The following ASCC3 variants were observed in gnomAD, a reference collection of about 807,000 sequenced individuals.
The protein encoded by ASCC3 is activating signal cointegrator 1 complex subunit 3.
In ASCC3, 158 loss-of-function variants were observed where a neutral mutation model predicts 256.3. The observed-to-expected ratio is 0.62, with a 90% confidence interval of 0.54 to 0.70. The LOEUF is 0.70. Ranked by LOEUF, ASCC3 falls within the 30% of genes least tolerant of loss-of-function variation. The pLI is 0.00. For synonymous variants in ASCC3, 948 were observed against 883.4 expected, an observed-to-expected ratio of 1.07 and a Z score of -1.30; for missense variants, 2,259 against 2,626.0, an observed-to-expected ratio of 0.86 and a Z score of 3.05.
chr6:100,763,215 G>A (rs1781494014), intron 10 of ASCC3, among the ~76,000 whole-genome samples: 1 of 152,158 alleles, frequency 6.6e-6, no homozygotes, highest in Non-Finnish European at 1.5e-5. Flanking sequence ...TGTGAGAAGG[G>A]TAGAAGAACA....
intron 13 of ASCC3, among the ~76,000 whole-genome samples, chr6:100,682,417 T>C (rs1192661875): frequency 1.3e-5 from 2 of 152,152 alleles, no homozygotes; most frequent in African/African-American, 2.4e-5. Flanking sequence ...AGTTAAAAAA[T>C]AGTGATGAAA....
At chr6:100,874,250 G>A (rs906225683) in intron 1 of ASCC3, among the ~76,000 whole-genome samples, 2 of 151,916 alleles carry the variant, frequency 1.3e-5, no homozygotes, top group Non-Finnish European at 2.9e-5. Context: ...GGCGGATCAC[G>A]AGGTCAAGAG....
chr6:100,582,349 T>C lies in ASCC3; in HGVS notation c.5550+7285A>G, dbSNP rs956392183. Among the ~76,000 whole-genome samples the C allele has an allele frequency of 2.6e-4, 40 of 151,992 alleles. 1 individual carries two copies. The highest frequency in any genetic ancestry group is 4.8e-5 in the African/African-American group (2 of 41,254). ...AGGTATTTTATTCTCTTTGAAGCAATTGTGAATGGGACTTCACTCATGATT... is the reference window on the plus strand; with the variant it reads ...AGGTATTTTATTCTCTTTGAAGCAACTGTGAATGGGACTTCACTCATGATT... On this transcript the variant is annotated intron_variant, in intron 36 of 41. Transcript: ENST00000369162.
chr6:100,509,301 C>T lies in ASCC3; in HGVS notation c.*85G>A, dbSNP rs904527867. On this transcript the variant is annotated 3_prime_UTR_variant, in exon 42 of 42. Transcript: ENST00000369162. ...AGGTTAGAAGTTGATTCTTTCAAGGCAAACATCAAGTAATTCGATTTGTCT... is the reference window on the plus strand; with the variant it reads ...AGGTTAGAAGTTGATTCTTTCAAGGTAAACATCAAGTAATTCGATTTGTCT... 3.2e-6 allele frequency: 5 copies of T among 1,561,854 alleles called. No individual in the cohort carries two copies. The African/African-American group carries it at 6.8e-5, about 21-fold the overall frequency.
intron 4 of ASCC3, among the ~76,000 whole-genome samples, chr6:100,812,485 G>A (rs1186305899): frequency 6.6e-6 from 1 of 151,328 alleles, no homozygotes; most frequent in Non-Finnish European, 1.5e-5. Context: ...AGGAAACTGA[G>A]ATAGCACTTT....
At chr6:100,859,871 T>C (rs1773138941) in intron 3 of ASCC3, among the ~76,000 whole-genome samples, 1 of 152,062 alleles carries the variant, frequency 6.6e-6, no homozygotes, top group Admixed American at 6.6e-5. Flanking sequence ...GGCTGAGTCT[T>C]GATTTGCATC....
rs1200931971 is a variant in ASCC3 at position 100,679,671 on chromosome 6, T to G, written c.2233A>C (p.Ile745Leu). 1.9e-6 allele frequency: 3 copies of G among 1,613,730 alleles called. No individual in the cohort carries two copies. In the Admixed American group the frequency reaches 5.0e-5, roughly 27 times the overall value. ...CCTTGGGTAGGAAAAAAGAAGGGAA[T>G]ATGGCCACAATTTTTTGCTCTTTCT... ...LIERAKNCGH[I>L]PFFFPTQGHD... The change falls in exon 14 of 42, where the codon ATT becomes CTT. Residue 745 changes from isoleucine to leucine, a missense_variant. Physicochemically the swap from Ile to Leu is conservative, Grantham distance 5 (BLOSUM62 2). Coordinates refer to ENST00000369162, the MANE Select transcript of ASCC3 (RefSeq NM_006828.4).
At chr6:100,622,759 G>A (rs988238793) in intron 30 of ASCC3, among the ~76,000 whole-genome samples, 14 of 151,694 alleles carry the variant, frequency 9.2e-5, no homozygotes, top group Non-Finnish European at 1.6e-4. Context: ...CAGAAACCAC[G>A]AGAGTATATT....
At chr6:100,700,745 G>A (rs1778317056) in intron 13 of ASCC3, among the ~76,000 whole-genome samples, 1 of 152,226 alleles carries the variant, frequency 6.6e-6, no homozygotes, top group Non-Finnish European at 1.5e-5. Context: ...CTTGTATGGG[G>A]CCTGAAGCCC....
intron 3 of ASCC3, chr6:100,858,405 G>A (rs1773063383): frequency 1.0e-5 from 3 of 285,732 alleles, no homozygotes; most frequent in Non-Finnish European, 1.6e-5. Context: ...CCGTACCTCA[G>A]GGAAGCTTCT....
At chr6:100,784,735 A>C (rs1167975196) in intron 8 of ASCC3, among the ~76,000 whole-genome samples, 1 of 151,698 alleles carries the variant, frequency 6.6e-6, no homozygotes, top group East Asian at 1.9e-4. Context: ...TTATATTATA[A>C]ATGTAGATGT....
chr6:100,639,896 C>A (rs1775030685), intron 24 of ASCC3, among the ~76,000 whole-genome samples: 2 of 152,074 alleles, frequency 1.3e-5, no homozygotes, highest in African/African-American at 4.8e-5. Context: ...GGATGGATCA[C>A]CTGAGGTCAG....
At chr6:100,722,489 C>T (rs192365839) in intron 11 of ASCC3, among the ~76,000 whole-genome samples, 1 of 151,868 alleles carries the variant, frequency 6.6e-6, no homozygotes, top group East Asian at 1.9e-4. Flanking sequence ...CACTCTTCAA[C>T]TTGTTGCATA....
intron 10 of ASCC3, among the ~76,000 whole-genome samples, chr6:100,747,170 A>G (rs181569033): frequency 4.0e-4 from 61 of 151,984 alleles, no homozygotes; most frequent in African/African-American, 1.2e-3. Flanking sequence ...GCTCAACATC[A>G]TTAGTCATTG....
At chr6:100,684,765 C>T (rs1269084820) in intron 13 of ASCC3, among the ~76,000 whole-genome samples, 2 of 148,328 alleles carry the variant, frequency 1.3e-5, no homozygotes, top group East Asian at 2.0e-4. Flanking sequence ...ATAAAAAAAT[C>T]GGTAGGAATA....
rs1283345990 is a variant in ASCC3, at chr6:100,518,062, C to G, written c.5856G>C (p.Gln1952His). 1 of 1,613,568 alleles carries G rather than the reference C, an allele frequency of 6.2e-7. No individual in the cohort carries two copies. Reference sequence around the variant, plus strand: ...GAGAAGAGTCCTTTAACCACCGACCCTGGATCACCATCTGAATCAGGTTGG... The same window carrying G: ...GAGAAGAGTCCTTTAACCACCGACCGTGGATCACCATCTGAATCAGGTTGG... Reference protein sequence around the residue: ...NITNLIQMVIQGRWLKDSSLL... With the variant: ...NITNLIQMVIHGRWLKDSSLL... The change falls in exon 38 of 42, where the codon CAG becomes CAC. Residue 1952 changes from glutamine to histidine, a missense_variant. Coordinates refer to ENST00000369162, the MANE Select transcript of ASCC3 (RefSeq NM_006828.4).
intron 1 of ASCC3, among the ~76,000 whole-genome samples, chr6:100,873,479 C>T (rs1355488457): frequency 6.6e-6 from 1 of 152,066 alleles, no homozygotes; most frequent in Non-Finnish European, 1.5e-5. Flanking sequence ...GAAAACTCTC[C>T]CAGCCTTGCT....
chr6:100,653,503 T>C (rs1469308315), intron 17 of ASCC3, among the ~76,000 whole-genome samples: 5 of 151,610 alleles, frequency 3.3e-5, no homozygotes, highest in Non-Finnish European at 7.4e-5. Context: ...CTGGGTATGG[T>C]GGTGCGCGCC....
chr6:100,728,115 A>G (rs1779723910), intron 10 of ASCC3, among the ~76,000 whole-genome samples: 1 of 152,116 alleles, frequency 6.6e-6, no homozygotes, highest in South Asian at 2.1e-4. Context: ...TGCACATATA[A>G]ATGTAACTAT....
Sources: allele counts gnomAD v4.1 joint callset (sites outside exome capture counted in the v4.1 genomes callset), GRCh38; gene constraint gnomAD v4.1.1; transcripts MANE v1.5; gene names NCBI Gene and HGNC (gene_info 2026-07-23, HGNC 2026-07-21).